The following DNAH11 variants were observed in gnomAD, a reference collection of about 807,000 sequenced individuals.
The protein encoded by DNAH11 is dynein axonemal heavy chain 11.
DNAH11 carries 442 observed loss-of-function variants against 526.0 expected under a neutral mutation model. The observed-to-expected ratio is 0.84, with a 90% CI of 0.78 to 0.91. DNAH11 has a LOEUF of 0.91. Ranked by LOEUF, DNAH11 falls within the 40% of genes least tolerant of loss-of-function variation. The pLI is 0.00. For synonymous variants in DNAH11, 2,461 were observed against 1,935.9 expected (o/e 1.27, Z -7.12); for missense variants, 6,989 against 5,448.7 (o/e 1.28, Z -8.90).
chr7:21,775,713 C>G (rs1017358506), intron 56 of DNAH11, among the ~76,000 whole-genome samples: 3 of 152,106 alleles, frequency 2.0e-5, no homozygotes, highest in Non-Finnish European at 4.4e-5. Context: ...TTTCTTCTAT[C>G]TGTCTATCCT....
chr7:21,565,171 G>A (rs1339664569), intron 6 of DNAH11, among the ~76,000 whole-genome samples: 1 of 152,172 alleles, frequency 6.6e-6, no homozygotes, highest in Non-Finnish European at 1.5e-5. Flanking sequence ...CTCAGATGAG[G>A]GTGCCAGCGT....
chr7:21,670,282 T>G (rs1782592076), intron 30 of DNAH11, among the ~76,000 whole-genome samples: 1 of 152,010 alleles, frequency 6.6e-6, no homozygotes, highest in South Asian at 2.1e-4. Context: ...ATGGTTGATG[T>G]GTTTTTTATT....
At chr7:21,631,207 A>G (rs1460890661) in intron 25 of DNAH11, among the ~76,000 whole-genome samples, 3 of 152,164 alleles carry the variant, frequency 2.0e-5, no homozygotes, top group African/African-American at 7.2e-5. Context: ...CAGCATGGGA[A>G]GGACCTGCCT....
chr7:21,727,016 A>C (rs1785147963), intron 45 of DNAH11, among the ~76,000 whole-genome samples: 1 of 116,848 alleles, frequency 8.6e-6, no homozygotes, highest in African/African-American at 3.4e-5. Flanking sequence ...TCACCGCAAG[A>C]TCCACCTCCG....
intron 28 of DNAH11, among the ~76,000 whole-genome samples, chr7:21,640,709 T>G (rs1787088655): frequency 6.6e-6 from 1 of 152,012 alleles, no homozygotes. Context: ...AATCTCCTGG[T>G]CCCCCTTTCT....
intron 62 of DNAH11, among the ~76,000 whole-genome samples, chr7:21,803,125 G>A (rs1005061326): frequency 6.6e-5 from 10 of 152,044 alleles, no homozygotes; most frequent in African/African-American, 2.4e-4. Context: ...TAACTAAAAA[G>A]TGTATAATTG....
At chr7:21,850,701 T>C (rs1459098552) in intron 66 of DNAH11, among the ~76,000 whole-genome samples, 1 of 149,398 alleles carries the variant, frequency 6.7e-6, no homozygotes, top group Non-Finnish European at 1.5e-5. Flanking sequence ...TAGATAACTG[T>C]CACAAAAGTA....
rs1475529081 is a variant in DNAH11 at position 21,787,544 on chromosome 7, C to T, written c.9885C>T (p.Gly3295=). 1.3e-5 allele frequency: 21 copies of T among 1,612,866 alleles called. No individual in the cohort carries two copies. The highest frequency in any genetic ancestry group is 1.8e-5 in the Non-Finnish European group (21 of 1,179,452). The change falls in exon 60 of 82, where the codon GGC becomes GGT. Residue 3295 remains glycine, a synonymous_variant. Transcript: ENST00000409508. ...LIRTKSFAAA[G]LCAWVINIIK... ...GAACCAAATCTTTTGCAGCAGCTGG[C>T]CTGTGTGCCTGGGTCATCAACATCA... is the stretch of plus-strand genomic sequence containing the variant.
Position 21,690,849 on chromosome 7 carries a change from C to G in DNAH11, c.6009C>G (p.Thr2003=), listed in dbSNP as rs779108660. 11 of 1,612,364 alleles carry G rather than the reference C, an allele frequency of 6.8e-6. No homozygotes were observed. The South Asian group carries it at 1.1e-4, about 16-fold the overall frequency. ...ITMNPGYAGR[T]ELPENLKALF... The stretch of plus-strand genomic sequence containing the variant: ...TGAACCCGGGTTATGCTGGTCGAAC[C>G]GAATTACCGGAAAATCTCAAAGCTC... Residue 2003 remains threonine, a synonymous_variant, in exon 35 of 82, where the codon ACC becomes ACG. Coordinates refer to ENST00000409508, the MANE Select transcript of DNAH11 (RefSeq NM_001277115.2).
intron 55 of DNAH11, among the ~76,000 whole-genome samples, chr7:21,766,406 G>A (rs566780738): frequency 1.2e-4 from 18 of 152,292 alleles, no homozygotes; most frequent in African/African-American, 3.1e-4. Context: ...GAGTGATAAG[G>A]TGAAAGGTTC....
At chr7:21,629,074 C>G (rs918591782) in intron 25 of DNAH11, among the ~76,000 whole-genome samples, 2 of 151,974 alleles carry the variant, frequency 1.3e-5, no homozygotes, top group East Asian at 3.8e-4. Context: ...CTGGCTTTTA[C>G]TGTATCACAT....
At chr7:21,683,644 A>T (rs1412796717) in intron 31 of DNAH11, 140 bp from the exon 32 acceptor site, 1 of 832,868 alleles carries the variant, frequency 1.2e-6, no homozygotes, top group Admixed American at 2.8e-5. Context: ...TGTATATGCT[A>T]TTATAATTTG....
intron 48 of DNAH11, among the ~76,000 whole-genome samples, chr7:21,740,622 C>T (rs150333609): frequency 6.6e-5 from 10 of 152,232 alleles, no homozygotes; most frequent in African/African-American, 2.4e-4. Flanking sequence ...GTTATTCATT[C>T]GTTGATGGAC....
At chr7:21,880,598 G>GT in intron 74 of DNAH11, 104 bp from the exon 75 acceptor site, 3 of 1,191,326 alleles carry the variant, frequency 2.5e-6, no homozygotes. Flanking sequence ...TGCCTCTGTA[G>GT]TATCTCACTC....
chr7:21,735,835 G>A lies in DNAH11; in HGVS notation c.7636G>A (p.Ala2546Thr), dbSNP rs764813626. The A allele has an allele frequency of 5.6e-6, 9 of 1,602,862 alleles. No homozygotes were observed. The highest frequency in any genetic ancestry group is 6.0e-6 in the Non-Finnish European group (7 of 1,172,832). Reference protein sequence around the residue: ...VPFNYYTTSTALQKILEKPLE... With the variant: ...VPFNYYTTSTTLQKILEKPLE... ...TTTCAACTACTACACGACATCCACAGCTCTGCAAAGTAAGTGCACCTGTTT... is the reference window on the plus strand; with the variant it reads ...TTTCAACTACTACACGACATCCACAACTCTGCAAAGTAAGTGCACCTGTTT... Residue 2546 changes from alanine (A) to threonine (T), a missense_variant, in exon 46 of 82, where the codon GCT becomes ACT. Coordinates refer to ENST00000409508, the MANE Select transcript of DNAH11 (RefSeq NM_001277115.2).
At chr7:21,842,915 T>C (rs1782271384) in intron 66 of DNAH11, among the ~76,000 whole-genome samples, 167 bp downstream of exon 66, 1 of 152,216 alleles carries the variant, frequency 6.6e-6, no homozygotes, top group Non-Finnish European at 1.5e-5. Context: ...AAGTTGCTCT[T>C]CATAAATGCT....
chr7:21,732,012 TG>T (rs2128487854), intron 45 of DNAH11, among the ~76,000 whole-genome samples: 1 of 152,326 alleles, frequency 6.6e-6, no homozygotes, highest in East Asian at 1.9e-4. Flanking sequence ...ACAGTATATA[TG>T]GGGTTCTGTA....
chr7:21,554,046 T>G (rs1030942864), intron 2 of DNAH11, among the ~76,000 whole-genome samples: 11 of 152,120 alleles, frequency 7.2e-5, no homozygotes, highest in East Asian at 5.8e-4. Context: ...GCGGAGGAAG[T>G]TTCCTCTTTT....
intron 33 of DNAH11, 40 bp downstream of exon 33, chr7:21,687,295 T>C: frequency 6.4e-7 from 1 of 1,554,406 alleles, no homozygotes. Flanking sequence ...CTTTATTCTC[T>C]AACATTATTC....
Sources: allele counts gnomAD v4.1 joint callset (sites outside exome capture counted in the v4.1 genomes callset), GRCh38; gene constraint gnomAD v4.1.1; transcripts MANE v1.5; gene names NCBI Gene and HGNC (gene_info 2026-07-23, HGNC 2026-07-21).